ZZEF1: variants seen among roughly 807,000 people sequenced by gnomAD.
ZZEF1 encodes the protein zinc finger ZZ-type and EF-hand domain containing 1, also known as zinc finger ZZ-type and EF-hand domain-containing protein 1.
ZZEF1 carries 157 observed loss-of-function variants against 342.8 expected under a neutral mutation model. The observed-to-expected ratio is 0.46, with a 90% CI of 0.40 to 0.52. The LOEUF is 0.52. Ranked by LOEUF, ZZEF1 falls within the 20% of genes least tolerant of loss-of-function variation. ZZEF1 has a pLI of 0.00. For missense variants in ZZEF1, 3,480 were observed against 3,725.6 expected (o/e 0.93, Z 1.72); for synonymous variants, 1,505 against 1,429.1 (o/e 1.05, Z -1.20).
chr17:4,029,651 G>A (rs1327547184), intron 42 of ZZEF1, among the ~76,000 whole-genome samples: 2 of 151,978 alleles, frequency 1.3e-5, no homozygotes, highest in Non-Finnish European at 2.9e-5. Flanking sequence ...TGAGGCGGGT[G>A]GATCACTGAG....
At position 4,109,687 on chromosome 17, in the gene ZZEF1, G is replaced by C. The variant is rs768432704; in HGVS notation, c.1243C>G (p.Pro415Ala). 1.5e-5 allele frequency: 25 copies of C among 1,614,120 alleles called. 1 individual carries two copies. The East Asian group carries it at 5.6e-4, about 36-fold the overall frequency. Reference sequence around the variant, plus strand: ...TGCAGCACTGTCTGGACAAAGGCGGGATTTGTCTCCATAGAAGCCGTCACC... The same window carrying C: ...TGCAGCACTGTCTGGACAAAGGCGGCATTTGTCTCCATAGAAGCCGTCACC... Reference protein sequence around the residue: ...SLVTASMETNPAFVQTVLHNT... With the variant: ...SLVTASMETNAAFVQTVLHNT... The change falls in exon 6 of 55, where the codon CCC becomes GCC. Residue 415 changes from proline to alanine, a missense_variant. This residue lies in a region of ZZEF1 where 1,528 missense variants were observed against 1,624.1 expected (regional missense o/e 0.94). Coordinates refer to ENST00000381638, the MANE Select transcript of ZZEF1 (RefSeq NM_015113.4).
At chr17:4,082,629 T>G in intron 16 of ZZEF1, 125 bp from the exon 17 acceptor site, 1 of 847,442 alleles carries the variant, frequency 1.2e-6, no homozygotes, top group South Asian at 1.5e-5. Flanking sequence ...GCCAGCAGAC[T>G]ACCTCACAGC....
intron 39 of ZZEF1, among the ~76,000 whole-genome samples, chr17:4,039,694 A>G (rs1161536454): frequency 1.5e-5 from 2 of 133,224 alleles, no homozygotes; most frequent in South Asian, 2.4e-4. Context: ...CCCAGGCTGG[A>G]GTGCAGTGGC....
At chr17:4,054,562 A>T (rs1182201909) in intron 33 of ZZEF1, among the ~76,000 whole-genome samples, 1 of 152,218 alleles carries the variant, frequency 6.6e-6, no homozygotes, top group Non-Finnish European at 1.5e-5. Context: ...TCAGATAGAA[A>T]TAGCAAATTT....
Position 4,017,294 on chromosome 17 carries a change from G to T in ZZEF1, c.8001+77C>A. On this transcript the variant is annotated intron_variant, in intron 48 of 54. Transcript: ENST00000381638. The surrounding 1 kb of genome is among the most constrained non-coding windows in gnomAD (Gnocchi z 5.1). ...AGCCACACAGGTAGCCTCGCTCCAG[G>T]AAGCACTCACTGGAGGAAGCCTGTG... The T allele has an allele frequency of 1.3e-6, 2 of 1,522,246 alleles. No individual in the cohort carries two copies. Among genetic ancestry groups the T allele is most frequent in the Non-Finnish European group, 1.8e-6 (2 of 1,134,774 alleles). 94.3% of individuals were successfully genotyped at this position (1,522,246 alleles called of 1,614,324 possible).
At chr17:4,062,573 C>T (rs1369826432) in intron 30 of ZZEF1, among the ~76,000 whole-genome samples, 180 bp downstream of exon 30, 1 of 151,936 alleles carries the variant, frequency 6.6e-6, no homozygotes, top group East Asian at 1.9e-4. Flanking sequence ...AATATGTTCC[C>T]GGCAGTTACA....
intron 13 of ZZEF1, among the ~76,000 whole-genome samples, chr17:4,087,860 A>G (rs552729184): frequency 6.6e-6 from 1 of 151,228 alleles, no homozygotes; most frequent in African/African-American, 2.4e-5. Flanking sequence ...AACCCAGCAC[A>G]TAAGCCAGTC....
At chr17:4,079,154 T>C (rs2057676814) in intron 18 of ZZEF1, among the ~76,000 whole-genome samples, 1 of 152,218 alleles carries the variant, frequency 6.6e-6, no homozygotes, top group Non-Finnish European at 1.5e-5. Flanking sequence ...GCCTATCTTA[T>C]CTAGCAGAAA....
chr17:4,133,721 C>CTT (rs145801030), intron 1 of ZZEF1, among the ~76,000 whole-genome samples: 1 of 148,046 alleles, frequency 6.8e-6, no homozygotes, highest in African/African-American at 2.5e-5. Context: ...TTTTTGCTAT[C>CTT]TTTTTTTTTT....
In ZZEF1 at chr17:4,096,696, A is replaced by G. The variant is rs1300058735; in HGVS notation, c.1677T>C (p.Phe559=). The part of the protein sequence containing the change: ...LLVEPWTRDG[F]LTETGKTRAS... Reference sequence around the variant, plus strand: ...CTCTGGTTTTTCCAGTTTCCGTAAGAAAACCTGAAAAAAGGGAAAACTCAA... The same window carrying G: ...CTCTGGTTTTTCCAGTTTCCGTAAGGAAACCTGAAAAAAGGGAAAACTCAA... Residue 559 remains phenylalanine (F), a synonymous_variant, in exon 10 of 55, where the codon TTT becomes TTC. Coordinates refer to ENST00000381638, the MANE Select transcript of ZZEF1 (RefSeq NM_015113.4). 6 of 1,613,848 alleles carry G rather than the reference A, an allele frequency of 3.7e-6. 1 individual carries two copies. The highest frequency in any genetic ancestry group is 1.7e-4 in the Middle Eastern group (1 of 6,060).
intron 1 of ZZEF1, among the ~76,000 whole-genome samples, chr17:4,139,530 A>C (rs2058808295): frequency 6.6e-6 from 1 of 152,256 alleles, no homozygotes; most frequent in African/African-American, 2.4e-5. Context: ...GACGTAGATT[A>C]ACAACGCAGA....
rs201711155 is a variant in ZZEF1 at position 4,062,849 on chromosome 17, T to C, written c.4787A>G (p.Gln1596Arg). The C allele has an allele frequency of 3.3e-4, 540 of 1,613,630 alleles. 5 individuals carry two copies. The East Asian group carries it at 5.6e-3, about 17-fold the overall frequency. ...QSILEVLKIT[Q>R]HCAESLGQPH... is the part of the protein sequence containing the mutation. The stretch of plus-strand genomic sequence containing the variant: ...CTGCCCAAGGGATTCTGCACAGTGC[T>C]GAGTTATCTTCAGGACTTCCAGGAT... Residue 1596 changes from glutamine to arginine, a missense_variant, in exon 30 of 55, where the codon CAG becomes CGG. This residue lies in a region of ZZEF1 where 1,528 missense variants were observed against 1,624.1 expected (regional missense o/e 0.94). Coordinates refer to ENST00000381638, the MANE Select transcript of ZZEF1 (RefSeq NM_015113.4).
chr17:4,142,279 T>C (rs1383879918), intron 1 of ZZEF1, among the ~76,000 whole-genome samples: 4 of 152,176 alleles, frequency 2.6e-5, no homozygotes, highest in Non-Finnish European at 5.9e-5. Context: ...GTAGCGTCAA[T>C]CAACTGCACA....
At position 4,016,752 on chromosome 17, in the gene ZZEF1, C is replaced by G; in HGVS notation, c.8002-286G>C. On this transcript the variant is annotated intron_variant, in intron 48 of 54. Coordinates refer to ENST00000381638, the MANE Select transcript of ZZEF1 (RefSeq NM_015113.4). This position sits in a 1 kb window ranked among gnomAD's most constrained non-coding sequence, Gnocchi z 4.4. Reference sequence around the variant, plus strand: ...AAGGGTCCTGGTCCTTGAAGGAGTCCCCAGCCAAGCAGGTGGATTGGCCTA... The same window carrying G: ...AAGGGTCCTGGTCCTTGAAGGAGTCGCCAGCCAAGCAGGTGGATTGGCCTA... 3.0e-6 allele frequency: 1 copy of G among 331,628 alleles called. No homozygotes were observed. Among genetic ancestry groups the G allele is most frequent in the Non-Finnish European group, 5.5e-6 (1 of 181,904 alleles). 20.5% of individuals were successfully genotyped at this position (331,628 alleles called of 1,614,324 possible). A position where few individuals can be genotyped will look rare whatever the true frequency, so the allele number is the denominator to read the frequency against.
chr17:4,103,522 G>C (rs2058161139), intron 8 of ZZEF1, among the ~76,000 whole-genome samples: 1 of 152,038 alleles, frequency 6.6e-6, no homozygotes, highest in Non-Finnish European at 1.5e-5. Context: ...ACTCCAACCT[G>C]GATGACAGAG....
chr17:4,046,321 C>T (rs976698338), intron 37 of ZZEF1, among the ~76,000 whole-genome samples: 3 of 152,178 alleles, frequency 2.0e-5, no homozygotes, highest in Non-Finnish European at 4.4e-5. Flanking sequence ...TCAGAATCCC[C>T]CCAGTGACTG....
At chr17:4,020,084 GT>G in intron 45 of ZZEF1, 1 of 233,878 alleles carries the variant, frequency 4.3e-6, no homozygotes. Flanking sequence ...CTCTATAACT[GT>G]TTTACACTCA....
At position 4,142,617 on chromosome 17, in the gene ZZEF1, C is replaced by G. The variant is rs773304739; in HGVS notation, c.279G>C (p.Glu93Asp). ...WLEERLGRGE[E>D]SVTLEQFREL... ...CCCGGAACTGCTCCAGAGTGACAGA[C>G]TCTTCGCCGCGGCCCAGCCGCTCTT... The change falls in exon 1 of 55, where the codon GAG becomes GAC. Residue 93 changes from glutamate (E) to aspartate (D), a missense_variant. Coordinates refer to ENST00000381638, the MANE Select transcript of ZZEF1 (RefSeq NM_015113.4). The G allele has an allele frequency of 2.5e-5, 40 of 1,605,438 alleles. No individual in the cohort carries two copies. The highest frequency in any genetic ancestry group is 3.2e-5 in the Non-Finnish European group (38 of 1,179,728).
chr17:4,013,681 A>G (rs1052397093), intron 51 of ZZEF1, 67 bp from the exon 52 acceptor site: 18 of 1,436,694 alleles, frequency 1.3e-5, no homozygotes, highest in Non-Finnish European at 1.7e-5. Context: ...ATTATTAAAT[A>G]AAGTATAACA....
Sources: gnomAD v4.1 joint callset for allele counts (sites outside exome capture counted in the v4.1 genomes callset) on GRCh38, gnomAD v4.1.1 for gene constraint, gnomAD v4.1.1 regional missense constraint, Gnocchi (gnomAD v3.1) non-coding constraint, MANE v1.5 for transcripts, NCBI Gene and HGNC (gene_info 2026-07-23, HGNC 2026-07-21) for gene names.